Variants in PDE11A observed in about 807,000 individuals in gnomAD.
PDE11A encodes the protein phosphodiesterase 11A.
A neutral mutation model predicts 100.5 loss-of-function variants in PDE11A; 100 were observed. The ratio of observed to expected loss-of-function variants is 1.00; its 90% CI spans 0.85 to 1.18. The LOEUF is 1.18. Among genes scored for constraint, PDE11A ranks in the 50% most tolerant of loss-of-function variants. PDE11A has a pLI of 0.00. For synonymous variants in PDE11A, 381 were observed against 420.8 expected (o/e 0.91, Z 1.16); for missense variants, 1,141 against 1,152.6 (o/e 0.99, Z 0.15).
chr2:177,903,060 C>G (rs1322143239), intron 3 of PDE11A, among the ~76,000 whole-genome samples: 1 of 152,124 alleles, frequency 6.6e-6, no homozygotes, highest in African/African-American at 2.4e-5. Context: ...CTTGCCATGC[C>G]CACAGGCTTT....
chr2:177,772,667 T>C (rs971556776), intron 9 of PDE11A, among the ~76,000 whole-genome samples: 1 of 151,528 alleles, frequency 6.6e-6, no homozygotes, highest in African/African-American at 2.4e-5. Context: ...CACCAGGTGG[T>C]GCTTAGTTAG....
At chr2:177,678,628 C>A (rs540021006) in intron 16 of PDE11A, among the ~76,000 whole-genome samples, 3 of 152,206 alleles carry the variant, frequency 2.0e-5, no homozygotes, top group Admixed American at 1.3e-4. Context: ...CCTTAGAGCA[C>A]CACCCTTGGT....
chr2:177,641,423 A>G (rs2080140197), intron 19 of PDE11A, among the ~76,000 whole-genome samples: 1 of 72,202 alleles, frequency 1.4e-5, no homozygotes, highest in African/African-American at 4.0e-5. Context: ...CGTTTTACTG[A>G]GTCAAAAAAA....
Position 177,973,236 on chromosome 2 carries a change from T to C in PDE11A, c.1071+41066A>G, listed in dbSNP as rs1574317438. Among the ~76,000 whole-genome samples the C allele has an allele frequency of 3.7e-5, 5 of 133,816 alleles. No homozygotes were observed. The South Asian group carries it at 1.4e-3, about 38-fold the overall frequency. The allele number at this position is 133,816 out of a possible 152,430, so 87.8% of individuals were successfully genotyped here. On this transcript the variant is annotated intron_variant, in intron 2 of 19. Transcript: ENST00000286063. ...CGCAGGCCAGTGTGTGTGCGCACCG[T>C]GCGCGAGCCGAAGCAGGGCGAGGCA...
At chr2:178,089,911 C>T (rs1241680576) in intron 2 of PDE11A, among the ~76,000 whole-genome samples, 2 of 152,208 alleles carry the variant, frequency 1.3e-5, no homozygotes, top group Non-Finnish European at 2.9e-5. Flanking sequence ...CGAAGCTCCA[C>T]GTAGTCCTGG....
chr2:177,990,282 G>A (rs1423601208), intron 2 of PDE11A, among the ~76,000 whole-genome samples: 1 of 152,130 alleles, frequency 6.6e-6, no homozygotes, highest in Admixed American at 6.5e-5. Context: ...GGAATTTTCT[G>A]CATATCGGAC....
At chr2:177,987,400 G>A (rs2085953214) in intron 2 of PDE11A, among the ~76,000 whole-genome samples, 1 of 152,112 alleles carries the variant, frequency 6.6e-6, no homozygotes, top group Non-Finnish European at 1.5e-5. Flanking sequence ...ACCTTACACA[G>A]TCACTGTTCT....
intron 5 of PDE11A, among the ~76,000 whole-genome samples, chr2:177,849,721 T>C (rs188174215): frequency 0.03 from 4,433 of 147,104 alleles, 107 homozygotes; most frequent in East Asian, 0.076. Context: ...ACCCGGGAGG[T>C]GGAGCTTGCA....
At chr2:177,654,726 A>G (rs555786218) in intron 19 of PDE11A, among the ~76,000 whole-genome samples, 130 of 152,246 alleles carry the variant, frequency 8.5e-4, no homozygotes, top group Non-Finnish European at 1.5e-3. Flanking sequence ...CAATTTAGGT[A>G]TTCTCTAAGG....
chr2:177,807,070 C>T lies in PDE11A; in HGVS notation c.1737+9759G>A, dbSNP rs376384920. 1.8e-4 allele frequency among the ~76,000 whole-genome samples: 28 copies of T among 152,008 alleles called. No individual in the cohort carries two copies. The South Asian group carries it at 4.2e-3, about 23-fold the overall frequency. On this transcript the variant is annotated intron_variant, in intron 9 of 19. Transcript: ENST00000286063. Reference sequence around the variant, plus strand: ...CAACTCTTAGATCCAAGAAACTCGGCGAACACCAAGCATAAGAAACATAAA... The same window carrying T: ...CAACTCTTAGATCCAAGAAACTCGGTGAACACCAAGCATAAGAAACATAAA...
At chr2:178,049,977 T>C (rs1026799157) in intron 1 of PDE11A, among the ~76,000 whole-genome samples, 3 of 152,176 alleles carry the variant, frequency 2.0e-5, no homozygotes, top group Admixed American at 6.5e-5. Context: ...TAAACATCCC[T>C]GTCTGACAGC....
rs1335904366 is a variant in PDE11A at position 178,034,148 on chromosome 2, A to T, written c.913-19688T>A. Among the ~76,000 whole-genome samples the T allele has an allele frequency of 2.0e-5, 3 of 152,122 alleles. No homozygotes were observed. The South Asian group carries it at 6.2e-4, about 32-fold the overall frequency. ...GCCATTGGTGTGCTGTATTCAGGAG[A>T]CCCATCTCACGTGCAAAGACACATA... is the stretch of plus-strand genomic sequence containing the variant. On this transcript the variant is annotated intron_variant, in intron 1 of 19. Coordinates refer to ENST00000286063, the MANE Select transcript of PDE11A (RefSeq NM_016953.4).
intron 1 of PDE11A, among the ~76,000 whole-genome samples, chr2:178,050,185 G>A (rs527554440): frequency 1.3e-4 from 20 of 152,296 alleles, no homozygotes; most frequent in Non-Finnish European, 2.5e-4. Context: ...AACATTTGCC[G>A]TTCTGCAATA....
intron 1 of PDE11A, chr2:178,104,547 A>T: frequency 7.6e-7 from 1 of 1,312,848 alleles, no homozygotes; most frequent in Non-Finnish European, 1.1e-6. Context: ...GGGAGAAAAA[A>T]GAATTCCATC....
At chr2:178,017,197 A>G (rs1282421665) in intron 1 of PDE11A, among the ~76,000 whole-genome samples, 1 of 152,282 alleles carries the variant, frequency 6.6e-6, no homozygotes, top group East Asian at 1.9e-4. Flanking sequence ...AAGGCGCCAC[A>G]TACCACTCTT....
intron 12 of PDE11A, among the ~76,000 whole-genome samples, chr2:177,716,907 TATAATAAGATGGAAC>T (rs1380488755): frequency 6.6e-6 from 1 of 152,196 alleles, no homozygotes; most frequent in African/African-American, 2.4e-5. Flanking sequence ...TCACCCATTT[TATAATAAGATGGAAC>T]ATATTTTGCT....
intron 2 of PDE11A, among the ~76,000 whole-genome samples, chr2:178,081,431 T>C (rs1211315946): frequency 6.6e-6 from 1 of 152,214 alleles, no homozygotes; most frequent in Non-Finnish European, 1.5e-5. Context: ...ATTCAATTCA[T>C]GCTATACTAC....
intron 1 of PDE11A, among the ~76,000 whole-genome samples, chr2:178,016,395 A>C (rs912742464): frequency 6.6e-6 from 1 of 152,066 alleles, no homozygotes; most frequent in Non-Finnish European, 1.5e-5. Flanking sequence ...TCAAAACCCA[A>C]ACAAAACCAA....
chr2:177,905,151 T>C lies in PDE11A; in HGVS notation c.1108A>G (p.Ile370Val), dbSNP rs1245722252. ...QMYLPFCGIAISNAQLFAASR... is the reference protein window; with the variant it reads ...QMYLPFCGIAVSNAQLFAASR... ...GCAGCAAAGAGCTGAGCGTTAGATATGGCGATTCCACAAAATGGAAGATAC... is the reference window on the plus strand; with the variant it reads ...GCAGCAAAGAGCTGAGCGTTAGATACGGCGATTCCACAAAATGGAAGATAC... Residue 370 changes from isoleucine to valine, a missense_variant, in exon 3 of 20, where the codon ATA becomes GTA. Transcript: ENST00000286063. The C allele has an allele frequency of 4.3e-6, 7 of 1,609,340 alleles. No individual in the cohort carries two copies. The African/African-American group carries it at 5.3e-5, about 12-fold the overall frequency.
Sources: gnomAD v4.1 joint callset for allele counts (sites outside exome capture counted in the v4.1 genomes callset) on GRCh38, gnomAD v4.1.1 for gene constraint, MANE v1.5 for transcripts, NCBI Gene and HGNC (gene_info 2026-07-23, HGNC 2026-07-21) for gene names.